The following CCDC102B variants were observed in gnomAD, a reference collection of about 807,000 sequenced individuals.
CCDC102B encodes the protein coiled-coil domain-containing protein 102B.
Under a neutral mutation model 57.4 loss-of-function variants are expected in CCDC102B, and 75 were observed. The ratio of observed to expected loss-of-function variants is 1.31; its 90% CI spans 1.08 to 1.58. The LOEUF (loss-of-function observed/expected upper bound fraction) is 1.58, where lower values mean the gene tolerates loss of function less well. Ranked by LOEUF, CCDC102B falls within the 40% of genes most tolerant of loss-of-function variation. CCDC102B has a pLI of 0.00. For missense variants in CCDC102B, 636 were observed against 582.6 expected (o/e 1.09, Z -0.94); for synonymous variants, 206 against 201.9 (o/e 1.02, Z -0.17).
intron 6 of CCDC102B, among the ~76,000 whole-genome samples, chr18:68,958,669 T>C (rs1407542887): frequency 1.3e-5 from 2 of 152,116 alleles, no homozygotes; most frequent in Non-Finnish European, 2.9e-5. Context: ...TGATCTTATA[T>C]GCATGCTTTA....
chr18:68,938,795 A>T (rs1262683323), intron 6 of CCDC102B, among the ~76,000 whole-genome samples: 1 of 151,656 alleles, frequency 6.6e-6, no homozygotes, highest in Non-Finnish European at 1.5e-5. Flanking sequence ...ATTTTAAAAC[A>T]AATATGGGAG....
intron 4 of CCDC102B, among the ~76,000 whole-genome samples, chr18:68,846,740 A>C (rs1423809401): frequency 1.3e-5 from 2 of 151,884 alleles, no homozygotes; most frequent in Non-Finnish European, 3.0e-5. Context: ...ATGGTTAATG[A>C]TGAGCTACAT....
chr18:68,961,701 A>T (rs1479924738), intron 6 of CCDC102B, among the ~76,000 whole-genome samples: 1 of 152,028 alleles, frequency 6.6e-6, no homozygotes, highest in Non-Finnish European at 1.5e-5. Context: ...TAATTCTGCA[A>T]ATTATGTTGT....
intron 6 of CCDC102B, among the ~76,000 whole-genome samples, chr18:68,982,194 T>C (rs1486496541): frequency 6.6e-6 from 1 of 151,876 alleles, no homozygotes; most frequent in Non-Finnish European, 1.5e-5. Flanking sequence ...ACTGCTGTAG[T>C]TCAAAACTTT....
intron 4 of CCDC102B, among the ~76,000 whole-genome samples, chr18:68,870,292 GAC>G (rs751288396): frequency 3.3e-5 from 5 of 152,198 alleles, no homozygotes; most frequent in Non-Finnish European, 5.9e-5. Flanking sequence ...AAACCACCAT[GAC>G]ACATGTATAC....
chr18:68,807,594 G>A (rs1034567001), intron 1 of CCDC102B, among the ~76,000 whole-genome samples: 14 of 152,068 alleles, frequency 9.2e-5, no homozygotes, highest in African/African-American at 2.9e-4. Flanking sequence ...TGCACATGGC[G>A]TCCATTTTCT....
At position 68,814,291 on chromosome 18, in the gene CCDC102B, T is replaced by A. The variant is rs537969589; in HGVS notation, c.-16+16110T>A. ...GCAATTAATCACTTTTTTTCTAGGC[T>A]TTTTTTCTTAATTACAGGCTTTGAG... On this transcript the variant is annotated intron_variant, in intron 1 of 7. Coordinates refer to ENST00000360242, the MANE Select transcript of CCDC102B (RefSeq NM_024781.3). 8.5e-5 allele frequency among the ~76,000 whole-genome samples: 13 copies of A among 152,266 alleles called. 1 individual carries two copies. The highest frequency in any genetic ancestry group is 3.4e-3 in the Middle Eastern group (1 of 294).
At chr18:68,891,001 T>G (rs1285793231) in intron 5 of CCDC102B, among the ~76,000 whole-genome samples, 1 of 152,212 alleles carries the variant, frequency 6.6e-6, no homozygotes, top group Admixed American at 6.5e-5. Flanking sequence ...AATGTAGCTG[T>G]AAATGTTTTA....
rs758389400 is a variant in CCDC102B at position 68,838,863 on chromosome 18, C to T, written c.764C>T (p.Thr255Ile). Residue 255 changes from threonine to isoleucine, a missense_variant, in exon 3 of 8, where the codon ACT becomes ATT. Thr to Ile is a moderately conservative substitution (Grantham distance 89). Transcript: ENST00000360242. ...AINLPLENEV[T>I]EISALQVHLD... ...AATCTGCCTTTGGAAAATGAAGTAACTGAAATTTCAGCTTTGCAGGTGCAT... is the reference window on the plus strand; with the variant it reads ...AATCTGCCTTTGGAAAATGAAGTAATTGAAATTTCAGCTTTGCAGGTGCAT... 1 of 1,613,800 alleles carries T rather than the reference C, an allele frequency of 6.2e-7. No individual in the cohort carries two copies. Among genetic ancestry groups the T allele is most frequent in the African/African-American group, 1.3e-5 (1 of 74,910 alleles).
At chr18:68,839,409 A>G (rs2037524588) in intron 3 of CCDC102B, among the ~76,000 whole-genome samples, 1 of 152,162 alleles carries the variant, frequency 6.6e-6, no homozygotes. Flanking sequence ...CTTTGGTCTG[A>G]TGTCTTCTAG....
intron 6 of CCDC102B, among the ~76,000 whole-genome samples, chr18:68,946,542 C>G (rs796325254): frequency 3.4e-4 from 51 of 152,138 alleles, no homozygotes; most frequent in African/African-American, 1.1e-3. Flanking sequence ...AAATAATTTT[C>G]TATCTTCTGA....
chr18:68,797,191 A>G (rs1397995274), upstream of CCDC102B, among the ~76,000 whole-genome samples: 1 of 152,146 alleles, frequency 6.6e-6, no homozygotes, highest in East Asian at 1.9e-4. Flanking sequence ...TAAGTGGGAA[A>G]AGAATGTTAA....
At chr18:69,001,403 A>T (rs1568116181) in intron 6 of CCDC102B, among the ~76,000 whole-genome samples, 1 of 152,066 alleles carries the variant, frequency 6.6e-6, no homozygotes, top group African/African-American at 2.4e-5. Context: ...TAGTTCAGCT[A>T]AAGACAGGCT....
intron 2 of CCDC102B, among the ~76,000 whole-genome samples, chr18:68,722,218 G>T (rs2032371259): frequency 6.6e-6 from 1 of 152,192 alleles, no homozygotes; most frequent in African/African-American, 2.4e-5. Context: ...TGCGGGGATT[G>T]TTCAAGGAGA....
Position 68,998,065 on chromosome 18 carries a change from C to T in CCDC102B, c.1264-12869C>T, listed in dbSNP as rs114040791. 3.0e-3 allele frequency among the ~76,000 whole-genome samples: 450 copies of T among 152,050 alleles called. 1 individual carries two copies. Among genetic ancestry groups the T allele is most frequent in the African/African-American group, 1.0e-2 (413 of 41,474 alleles). ...GGCTTATTTCTGCTTTGTATTCCCA[C>T]GGTTTCACTTGGCAATTAGGGTGAT... On this transcript the variant is annotated intron_variant, in intron 6 of 7. Coordinates refer to ENST00000360242, the MANE Select transcript of CCDC102B (RefSeq NM_024781.3).
At chr18:68,999,429 T>A (rs2051139059) in intron 6 of CCDC102B, among the ~76,000 whole-genome samples, 1 of 149,744 alleles carries the variant, frequency 6.7e-6, no homozygotes, top group Non-Finnish European at 1.5e-5. Context: ...AAACCCAGTC[T>A]CTACTGAAAA....
chr18:68,923,081 A>G (rs901388068), intron 6 of CCDC102B, among the ~76,000 whole-genome samples: 5 of 152,116 alleles, frequency 3.3e-5, no homozygotes, highest in Admixed American at 6.6e-5. Context: ...CCTTTATATT[A>G]TACTGCCTTC....
intron 6 of CCDC102B, among the ~76,000 whole-genome samples, chr18:69,006,028 A>G (rs1312946000): frequency 1.3e-5 from 2 of 152,084 alleles, no homozygotes; most frequent in African/African-American, 2.4e-5. Context: ...AATATATGAC[A>G]TAGTAATTAT....
intron 2 of CCDC102B, among the ~76,000 whole-genome samples, chr18:68,760,473 A>C (rs1362404582): frequency 6.6e-6 from 1 of 152,142 alleles, no homozygotes; most frequent in Non-Finnish European, 1.5e-5. Flanking sequence ...AATTTTTCTC[A>C]TGAGTTATTA....
Sources: allele counts gnomAD v4.1 joint callset (sites outside exome capture counted in the v4.1 genomes callset), GRCh38; gene constraint gnomAD v4.1.1; transcripts MANE v1.5; gene names NCBI Gene and HGNC (gene_info 2026-07-23, HGNC 2026-07-21).